The following MAP3K5 variants were observed in gnomAD, a reference collection of about 807,000 sequenced individuals.
MAP3K5 encodes the protein ASK-1.
In MAP3K5, 56 loss-of-function variants were observed where a neutral mutation model predicts 158.7. That is an observed-to-expected ratio of 0.35 (90% CI 0.28 to 0.44). MAP3K5 has a LOEUF of 0.44. Ranked by LOEUF, MAP3K5 falls within the 20% of genes least tolerant of loss-of-function variation. The probability of loss-of-function intolerance (pLI) is 1.00; values close to 1 mark genes in which losing one functional copy is unlikely to be tolerated. For missense variants in MAP3K5, 1,294 were observed against 1,674.8 expected (o/e 0.77, Z 3.97); for synonymous variants, 579 against 601.7 (o/e 0.96, Z 0.55).
Position 136,728,835 on chromosome 6 carries a change from G to A in MAP3K5, c.449-8246C>T, listed in dbSNP as rs1276476535. 2.6e-5 allele frequency among the ~76,000 whole-genome samples: 4 copies of A among 152,150 alleles called. No homozygotes were observed. The East Asian group carries it at 7.7e-4, about 29-fold the overall frequency. ...TTGTTAATCTGCTAAGTGAGGGCTG[G>A]TAGGGAGGTAATCAGAGGGATATTT... On this transcript the variant is annotated intron_variant, in intron 1 of 29. Coordinates refer to ENST00000359015, the MANE Select transcript of MAP3K5 (RefSeq NM_005923.4).
chr6:136,579,255 C>T (rs1334063853), intron 25 of MAP3K5, among the ~76,000 whole-genome samples: 1 of 152,182 alleles, frequency 6.6e-6, no homozygotes, highest in East Asian at 1.9e-4. Flanking sequence ...AACACACACA[C>T]AGGGTGGAAG....
intron 11 of MAP3K5, among the ~76,000 whole-genome samples, chr6:136,649,684 G>A (rs1279722831): frequency 6.6e-6 from 1 of 152,192 alleles, no homozygotes; most frequent in Non-Finnish European, 1.5e-5. Context: ...GGGTTTCAAA[G>A]TTAGGATTTA....
rs1035069760 is a variant in MAP3K5, at chr6:136,605,287, C to T, written c.2601G>A (p.Leu867=). 2.5e-6 allele frequency: 4 copies of T among 1,613,996 alleles called. No homozygotes were observed. The highest frequency in any genetic ancestry group is 2.7e-5 in the African/African-American group (2 of 74,934). ...GYGKAADIWS[L]GCTIIEMATG... ...TGGCCATTTCAATGATTGTACAGCC[C>T]AGAGACCAGATGTCTGCTGCTTTTC... The change falls in exon 19 of 30, where the codon CTG becomes CTA. Residue 867 remains leucine (L), a synonymous_variant. Transcript: ENST00000359015.
At chr6:136,651,130 T>A in intron 10 of MAP3K5, 39 bp from the exon 11 acceptor site, 1 of 1,122,000 alleles carries the variant, frequency 8.9e-7, no homozygotes. Flanking sequence ...ATCAGTGACT[T>A]AAGACTGAAA....
chr6:136,712,152 T>C (rs1011898766), intron 2 of MAP3K5, among the ~76,000 whole-genome samples: 17 of 151,554 alleles, frequency 1.1e-4, no homozygotes, highest in Non-Finnish European at 2.2e-4. Flanking sequence ...AATGACATTT[T>C]ATACATAAAG....
In MAP3K5 at chr6:136,775,831, G is replaced by A. The variant is rs958055442; in HGVS notation, c.448+15879C>T. ...AACACGGTGGCAACAGCTTTTGTGT[G>A]TACAATGCATTCCCTTCTGGGATCA... On this transcript the variant is annotated intron_variant, in intron 1 of 29. Coordinates refer to ENST00000359015, the MANE Select transcript of MAP3K5 (RefSeq NM_005923.4). Among the ~76,000 whole-genome samples, 5 of 152,218 alleles carry A rather than the reference G, an allele frequency of 3.3e-5. No homozygotes were observed. In the South Asian group the frequency reaches 8.3e-4, roughly 25 times the overall value.
chr6:136,656,382 C>G lies in MAP3K5; in HGVS notation c.1605G>C (p.Lys535Asn), dbSNP rs1174729881. ...VKLTTEQPVAKQELVDFWMDF... is the reference protein window; with the variant it reads ...VKLTTEQPVANQELVDFWMDF... ...CCATCCAAAAGTCCACAAGTTCTTG[C>G]TTGGCCACAGGCTGTTCTGTGGTCA... The change falls in exon 10 of 30, where the codon AAG becomes AAC. Residue 535 changes from lysine (K) to asparagine (N), a missense_variant. Coordinates refer to ENST00000359015, the MANE Select transcript of MAP3K5 (RefSeq NM_005923.4). The G allele has an allele frequency of 1.2e-6, 2 of 1,613,578 alleles. No homozygotes were observed. The highest frequency in any genetic ancestry group is 1.7e-6 in the Non-Finnish European group (2 of 1,179,556).
rs368598269 is a variant in MAP3K5, at chr6:136,566,340, G to A, written c.3761+1291C>T. 9.6e-4 allele frequency among the ~76,000 whole-genome samples: 147 copies of A among 152,338 alleles called. 3 individuals are homozygous for A. In the South Asian group the frequency reaches 0.016, roughly 16 times the overall value. Reference sequence around the variant, plus strand: ...CTATCTGCGTAATTCTAACCAGAAGGCATGGGTGGGAGGAGGTCAACCAAA... The same window carrying A: ...CTATCTGCGTAATTCTAACCAGAAGACATGGGTGGGAGGAGGTCAACCAAA... On this transcript the variant is annotated intron_variant, in intron 26 of 29. Coordinates refer to ENST00000359015, the MANE Select transcript of MAP3K5 (RefSeq NM_005923.4).
chr6:136,782,385 T>C (rs977974227), intron 1 of MAP3K5, among the ~76,000 whole-genome samples: 1 of 152,124 alleles, frequency 6.6e-6, no homozygotes, highest in Admixed American at 6.5e-5. Flanking sequence ...CTTGGTTTTA[T>C]ATGGCTTGGG....
intron 7 of MAP3K5, among the ~76,000 whole-genome samples, chr6:136,680,708 C>T (rs1342118614): frequency 6.6e-6 from 1 of 152,144 alleles, no homozygotes; most frequent in Non-Finnish European, 1.5e-5. Flanking sequence ...CTCATCTTTG[C>T]CAATTGATTA....
intron 1 of MAP3K5, among the ~76,000 whole-genome samples, chr6:136,755,056 G>A (rs138876547): frequency 1.2e-3 from 188 of 151,822 alleles, no homozygotes; most frequent in Non-Finnish European, 2.0e-3. Context: ...GTCTCCTAAC[G>A]CATGCAACTC....
At chr6:136,638,813 G>C (rs1777775006) in intron 13 of MAP3K5, among the ~76,000 whole-genome samples, 1 of 152,098 alleles carries the variant, frequency 6.6e-6, no homozygotes, top group African/African-American at 2.4e-5. Flanking sequence ...GATTCAAATA[G>C]TAATTATTTA....
chr6:136,625,849 GATAGA>G (rs1221705726), intron 14 of MAP3K5, among the ~76,000 whole-genome samples: 7 of 151,884 alleles, frequency 4.6e-5, no homozygotes, highest in African/African-American at 1.7e-4. Context: ...AGTCAGAAAT[GATAGA>G]ATATAGTTAT....
chr6:136,588,223 C>T (rs1775223682), intron 23 of MAP3K5, among the ~76,000 whole-genome samples: 2 of 152,186 alleles, frequency 1.3e-5, no homozygotes, highest in Non-Finnish European at 2.9e-5. Context: ...TTGTCACCAT[C>T]GGGCCTACCA....
At chr6:136,753,061 TTC>T (rs1307801029) in intron 1 of MAP3K5, among the ~76,000 whole-genome samples, 5 of 151,526 alleles carry the variant, frequency 3.3e-5, no homozygotes, top group African/African-American at 1.2e-4. Flanking sequence ...CTCCAACACT[TTC>T]TCTTTCCTTC....
chr6:136,692,057 T>C (rs1780410810), intron 7 of MAP3K5, among the ~76,000 whole-genome samples: 1 of 151,942 alleles, frequency 6.6e-6, no homozygotes, highest in Admixed American at 6.6e-5. Flanking sequence ...TGAGAGTTTT[T>C]CTTTCTTTTT....
intron 14 of MAP3K5, among the ~76,000 whole-genome samples, chr6:136,633,124 C>T (rs955850323): frequency 6.6e-5 from 10 of 152,168 alleles, no homozygotes; most frequent in African/African-American, 1.9e-4. Context: ...CTTGGCCAGG[C>T]GCAGTGGCTC....
intron 2 of MAP3K5, among the ~76,000 whole-genome samples, chr6:136,717,698 ATAAAAC>A (rs1781584252): frequency 6.6e-6 from 1 of 152,236 alleles, no homozygotes; most frequent in African/African-American, 2.4e-5. Context: ...CCAGAAATGA[ATAAAAC>A]TAAAAATACA....
intron 1 of MAP3K5, among the ~76,000 whole-genome samples, chr6:136,731,490 C>T (rs1225767471): frequency 1.3e-5 from 2 of 152,216 alleles, no homozygotes; most frequent in Non-Finnish European, 2.9e-5. Context: ...TCAAATCGCC[C>T]TCTGCCTCTT....
Sources: allele counts gnomAD v4.1 joint callset (sites outside exome capture counted in the v4.1 genomes callset), GRCh38; gene constraint gnomAD v4.1.1; transcripts MANE v1.5; gene names NCBI Gene and HGNC (gene_info 2026-07-23, HGNC 2026-07-21).